The following PITPNM2 variants were observed in gnomAD, a reference collection of about 807,000 sequenced individuals.
PITPNM2 encodes the protein membrane-associated phosphatidylinositol transfer protein 2.
PITPNM2 carries 35 observed loss-of-function variants against 132.2 expected under a neutral mutation model. The ratio of observed to expected loss-of-function variants is 0.26; its 90% CI spans 0.20 to 0.35. The LOEUF (loss-of-function observed/expected upper bound fraction) is 0.35, where lower values mean the gene tolerates loss of function less well. Among genes scored for constraint, PITPNM2 ranks in the 10% least tolerant of loss-of-function variants. The pLI is 1.00. For missense variants in PITPNM2, 1,332 were observed against 1,912.0 expected (o/e 0.70, Z 5.66); for synonymous variants, 738 against 799.2 (o/e 0.92, Z 1.29).
chr12:123,001,270 A>G (rs1024147212), intron 8 of PITPNM2, 112 bp from the exon 9 acceptor site: 1 of 755,358 alleles, frequency 1.3e-6, no homozygotes, highest in Admixed American at 2.1e-5. Context: ...CCTCAACAGG[A>G]CGGCCACACA....
chr12:123,051,734 T>C (rs541114268), intron 2 of PITPNM2, among the ~76,000 whole-genome samples: 1 of 152,300 alleles, frequency 6.6e-6, no homozygotes, highest in South Asian at 2.1e-4. Context: ...TGGAAGATAT[T>C]TGTAGAAATT....
chr12:123,005,336 C>T lies in PITPNM2; in HGVS notation c.856G>A (p.Glu286Lys). 3 of 1,614,110 alleles carry T rather than the reference C, an allele frequency of 1.9e-6. No individual in the cohort carries two copies. The highest frequency in any genetic ancestry group is 2.5e-6 in the Non-Finnish European group (3 of 1,180,024). Residue 286 changes from glutamate to lysine, a missense_variant, in exon 7 of 26, where the codon GAG becomes AAG. Coordinates refer to ENST00000320201, the MANE Select transcript of PITPNM2 (RefSeq NM_020845.3). This position sits in a 1 kb window ranked among gnomAD's most constrained non-coding sequence, Gnocchi z 6.2. ...VSDQTSGEPP[E>K]PSSSNGEPLV... is the part of the protein sequence containing the mutation. Reference sequence around the variant, plus strand: ...GGCTCCCCATTGCTGCTGCTGGGCTCCGGGGGCTCCCCAGAGGTCTGGTCC... The same window carrying T: ...GGCTCCCCATTGCTGCTGCTGGGCTTCGGGGGCTCCCCAGAGGTCTGGTCC...
At position 122,994,108 on chromosome 12, in the gene PITPNM2, A is replaced by ATT. The variant is rs2038315033; in HGVS notation, c.2233+692_2233+693insAA. ...AGGCTGGTCTCAAACTCCTGACCTC[A>ATT]GCTGATCCGCCCGCCTCGGCCTCCC... On this transcript the variant is annotated intron_variant, in intron 15 of 25. Transcript: ENST00000320201. This position sits in a 1 kb window ranked among gnomAD's most constrained non-coding sequence, Gnocchi z 5.4. Among the ~76,000 whole-genome samples the ATT allele has an allele frequency of 1.3e-5, 2 of 149,036 alleles. No individual in the cohort carries two copies. Among genetic ancestry groups the ATT allele is most frequent in the African/African-American group, 5.2e-5 (2 of 38,408 alleles).
At chr12:123,018,243 A>G (rs916599037) in intron 3 of PITPNM2, among the ~76,000 whole-genome samples, 3 of 150,008 alleles carry the variant, frequency 2.0e-5, no homozygotes, top group Non-Finnish European at 3.0e-5. Context: ...TTAATTTTTT[A>G]AAATAATTTA....
At chr12:123,057,295 G>A (rs946956351) in intron 2 of PITPNM2, among the ~76,000 whole-genome samples, 4 of 150,708 alleles carry the variant, frequency 2.7e-5, no homozygotes, top group South Asian at 2.1e-4. Flanking sequence ...CAGGAGAATC[G>A]CTTGAACCCG....
Position 122,988,715 on chromosome 12 carries a change from C to T in PITPNM2, c.2880+9G>A. The T allele has an allele frequency of 1.3e-6, 2 of 1,554,574 alleles. No homozygotes were observed. The highest frequency in any genetic ancestry group is 1.7e-6 in the Non-Finnish European group (2 of 1,148,536). On this transcript the variant is annotated intron_variant, in intron 19 of 25. Coordinates refer to ENST00000320201, the MANE Select transcript of PITPNM2 (RefSeq NM_020845.3). The stretch of plus-strand genomic sequence containing the variant: ...AGGGCCCTCCTGGGAGGTCCCAGGC[C>T]CCGGGTACCTGTCTCAGCAGAAAGG...
rs781732799 is a variant in PITPNM2 at position 122,996,888 on chromosome 12, C to T, written c.1495G>A (p.Glu499Lys). ...TCCTGACTGCTGGACAGACAGCCTTCGTCATGGCTGTAGGGGCTGAGGCTG... is the reference window on the plus strand; with the variant it reads ...TCCTGACTGCTGGACAGACAGCCTTTGTCATGGCTGTAGGGGCTGAGGCTG... Reference protein sequence around the residue: ...VSNLSPYSHDEGCLSSSQDHI... With the variant: ...VSNLSPYSHDKGCLSSSQDHI... The change falls in exon 12 of 26, where the codon GAA (glutamate) becomes AAA (lysine). Residue 499 changes from glutamate (E) to lysine (K), a missense_variant. By Grantham distance (56) the Glu-to-Lys change is moderately conservative. Transcript: ENST00000320201. The T allele has an allele frequency of 1.9e-6, 3 of 1,581,914 alleles. No individual in the cohort carries two copies. Among genetic ancestry groups the T allele is most frequent in the African/African-American group, 1.4e-5 (1 of 72,666 alleles).
chr12:123,125,841 CAA>C lies in PITPNM2; in HGVS notation c.-199-15355_-199-15354del, dbSNP rs555279923. ...TGGGCGACAGAGCGAGACTCTGTCT[CAA>C]AAAAAAAAAAAAAAATTAGGGTTTT... is the stretch of plus-strand genomic sequence containing the variant. On this transcript the variant is annotated intron_variant, in intron 1 of 25. Coordinates refer to ENST00000320201, the MANE Select transcript of PITPNM2 (RefSeq NM_020845.3). 8.9e-3 allele frequency among the ~76,000 whole-genome samples: 461 copies of C among 51,608 alleles called. 1 individual carries two copies. The highest frequency in any genetic ancestry group is 0.036 in the Middle Eastern group (1 of 28). The allele number at this position is 51,608 out of a possible 152,430, so 33.9% of individuals were successfully genotyped here. A position where few individuals can be genotyped will look rare whatever the true frequency, so the allele number is the denominator to read the frequency against.
Position 123,078,916 on chromosome 12 carries a change from G to A in PITPNM2, c.-96+31469C>T, listed in dbSNP as rs933864752. Among the ~76,000 whole-genome samples the A allele has an allele frequency of 3.3e-5, 5 of 152,214 alleles. No individual in the cohort carries two copies. The highest frequency in any genetic ancestry group is 1.3e-4 in the Admixed American group (2 of 15,278). ...GAAATGGGGCTGGGAAGAAAGCCAC[G>A]AGACCTCAGTGGGGTCGCAGTCTCT... is the stretch of plus-strand genomic sequence containing the variant. On this transcript the variant is annotated intron_variant, in intron 2 of 25. Transcript: ENST00000320201. The surrounding 1 kb of genome is among the most constrained non-coding windows in gnomAD (Gnocchi z 7.3).
intron 5 of PITPNM2, among the ~76,000 whole-genome samples, chr12:123,011,087 C>T (rs980714847): frequency 6.6e-5 from 10 of 152,218 alleles, no homozygotes; most frequent in Non-Finnish European, 1.3e-4. Flanking sequence ...TGCTCACTCC[C>T]GAGGCACATG....
intron 1 of PITPNM2, among the ~76,000 whole-genome samples, chr12:123,115,541 GCACA>G (rs985377436): frequency 6.6e-6 from 1 of 151,398 alleles, no homozygotes; most frequent in African/African-American, 2.4e-5. Context: ...ATACGCGCCC[GCACA>G]CACACACGCA....
chr12:123,086,761 A>G (rs962581637), intron 2 of PITPNM2, among the ~76,000 whole-genome samples: 2 of 151,964 alleles, frequency 1.3e-5, no homozygotes, highest in African/African-American at 4.8e-5. Context: ...AGGGTATCTC[A>G]AGGGAAGTGT....
At chr12:123,044,196 G>A (rs1023502904) in intron 2 of PITPNM2, among the ~76,000 whole-genome samples, 1 of 152,212 alleles carries the variant, frequency 6.6e-6, no homozygotes, top group African/African-American at 2.4e-5. Context: ...CAAAATCGTA[G>A]GCTGGGGTTT....
intron 2 of PITPNM2, among the ~76,000 whole-genome samples, chr12:123,045,999 CA>C (rs369127142): frequency 4.7e-4 from 72 of 152,264 alleles, no homozygotes; most frequent in African/African-American, 1.7e-3. Context: ...AAATTGCCCA[CA>C]GCTCTCTGTG....
intron 1 of PITPNM2, among the ~76,000 whole-genome samples, chr12:123,110,850 G>C (rs143686557): frequency 1.3e-5 from 2 of 152,312 alleles, no homozygotes; most frequent in Non-Finnish European, 2.9e-5. Flanking sequence ...ACTGGGATTG[G>C]AGGACTTCAG....
At chr12:123,067,267 G>A (rs556372801) in intron 2 of PITPNM2, among the ~76,000 whole-genome samples, 1 of 152,012 alleles carries the variant, frequency 6.6e-6, no homozygotes, top group Admixed American at 6.6e-5. Flanking sequence ...ACCAGCATGG[G>A]CAACATGGTG....
At chr12:122,995,120 G>C (rs2038368439) in intron 14 of PITPNM2, 141 bp from the exon 15 acceptor site, 1 of 1,054,216 alleles carries the variant, frequency 9.5e-7, no homozygotes, top group Admixed American at 2.9e-5. Flanking sequence ...ACCTGCCCCT[G>C]GTCCATTCTG....
In PITPNM2 at chr12:123,004,306, C is replaced by T; in HGVS notation, c.1048+88G>A. ...GAATAGTAACAGGCAACACCCGCAT[C>T]AGTCCACACCCACACCCTAAGCCCT... is the stretch of plus-strand genomic sequence containing the variant. On this transcript the variant is annotated intron_variant, in intron 8 of 25. Transcript: ENST00000320201. This position sits in a 1 kb window ranked among gnomAD's most constrained non-coding sequence, Gnocchi z 4.9. 8.2e-7 allele frequency: 1 copy of T among 1,224,990 alleles called. No individual in the cohort carries two copies. Among genetic ancestry groups the T allele is most frequent in the Non-Finnish European group, 1.2e-6 (1 of 839,186 alleles). The allele number at this position is 1,224,990 out of a possible 1,614,324, so 75.9% of individuals were successfully genotyped here.
rs1424285488 is a variant in PITPNM2 at position 123,000,248 on chromosome 12, TG to T, written c.1224+529del. Reference sequence around the variant, plus strand: ...GCAAACAGCTCTGACGGCCCGCAGGTGGAGGAGGATGGGGCATGAACTCCCA... The same window carrying T: ...GCAAACAGCTCTGACGGCCCGCAGGTGAGGAGGATGGGGCATGAACTCCCA... On this transcript the variant is annotated intron_variant, in intron 10 of 25. Coordinates refer to ENST00000320201, the MANE Select transcript of PITPNM2 (RefSeq NM_020845.3). This position sits in a 1 kb window ranked among gnomAD's most constrained non-coding sequence, Gnocchi z 5.4. 1 of 598,462 alleles carries T rather than the reference TG, an allele frequency of 1.7e-6. No individual in the cohort carries two copies. Among genetic ancestry groups the T allele is most frequent in the Non-Finnish European group, 3.0e-6 (1 of 335,714 alleles). The allele number at this position is 598,462 out of a possible 1,614,324, so 37.1% of individuals were successfully genotyped here.
Sources: gnomAD v4.1 joint callset for allele counts (sites outside exome capture counted in the v4.1 genomes callset) on GRCh38, gnomAD v4.1.1 for gene constraint, Gnocchi (gnomAD v3.1) non-coding constraint, MANE v1.5 for transcripts, NCBI Gene and HGNC (gene_info 2026-07-23, HGNC 2026-07-21) for gene names.